Variants in ARHGAP25 observed in about 807,000 individuals in gnomAD.
ARHGAP25 encodes the protein rho GTPase-activating protein 25.
In ARHGAP25, 34 loss-of-function variants were observed where a neutral mutation model predicts 71.0. The ratio of observed to expected loss-of-function variants is 0.48; its 90% CI spans 0.36 to 0.64. The LOEUF is 0.64. Among genes scored for constraint, ARHGAP25 ranks in the 30% least tolerant of loss-of-function variants. ARHGAP25 has a pLI of 0.00. For missense variants in ARHGAP25, 706 were observed against 805.1 expected, an observed-to-expected ratio of 0.88 and a Z score of 1.49; for synonymous variants, 282 against 296.5, an observed-to-expected ratio of 0.95 and a Z score of 0.50.
intron 1 of ARHGAP25, among the ~76,000 whole-genome samples, chr2:68,766,741 ACT>A (rs1677146013): frequency 7.1e-6 from 1 of 141,238 alleles, no homozygotes; most frequent in African/African-American, 2.7e-5. Context: ...TCTTGTTCTC[ACT>A]CTCTGTCATT....
At chr2:68,813,564 T>C in intron 6 of ARHGAP25, 145 bp downstream of exon 6, 1 of 878,084 alleles carries the variant, frequency 1.1e-6, no homozygotes, top group African/African-American at 1.7e-5. Flanking sequence ...AAAAGGTATA[T>C]GAACTCAATC....
rs1323718345 is a variant in ARHGAP25, at chr2:68,769,649, G to A, written c.62-5572G>A. On this transcript the variant is annotated intron_variant, in intron 1 of 10. Transcript: ENST00000409202. ...TACCAAGCAAGGCGACAAAGGCTACGATACACAGGTGTCTCCACTGACAAG... is the reference window on the plus strand; with the variant it reads ...TACCAAGCAAGGCGACAAAGGCTACAATACACAGGTGTCTCCACTGACAAG... Among the ~76,000 whole-genome samples the A allele has an allele frequency of 2.0e-5, 3 of 152,150 alleles. 1 individual carries two copies. Among genetic ancestry groups the A allele is most frequent in the East Asian group, 3.9e-4 (2 of 5,172 alleles).
At chr2:68,798,655 A>T (rs557585172) in intron 4 of ARHGAP25, among the ~76,000 whole-genome samples, 51 of 152,344 alleles carry the variant, frequency 3.3e-4, no homozygotes, top group African/African-American at 1.1e-3. Context: ...ATGACACTAT[A>T]TGAGGAAAAA....
At chr2:68,746,532 G>C (rs1253996843) in intron 1 of ARHGAP25, among the ~76,000 whole-genome samples, 3 of 152,138 alleles carry the variant, frequency 2.0e-5, no homozygotes, top group Non-Finnish European at 2.9e-5. Flanking sequence ...ATGTTTTCTA[G>C]GTCCTCCCAG....
chr2:68,760,863 CAA>C lies in ARHGAP25; in HGVS notation c.62-14341_62-14340del, dbSNP rs749565883. ...TGGAAACTCAAGGGATCCTGAATAG[CAA>C]AAAAAAAAAAAAAAAATTTTTGAAA... On this transcript the variant is annotated intron_variant, in intron 1 of 10. Coordinates refer to ENST00000409202, the MANE Select transcript of ARHGAP25 (RefSeq NM_001007231.3). Among the ~76,000 whole-genome samples, 37 of 54,512 alleles carry C rather than the reference CAA, an allele frequency of 6.8e-4. 1 individual carries two copies. The highest frequency in any genetic ancestry group is 3.5e-3 in the East Asian group (8 of 2,306). The allele number at this position is 54,512 out of a possible 152,430, so 35.8% of individuals were successfully genotyped here.
At chr2:68,724,118 G>T (rs754978593) in intron 2 of ARHGAP25, among the ~76,000 whole-genome samples, 3 of 152,112 alleles carry the variant, frequency 2.0e-5, no homozygotes, top group Non-Finnish European at 2.9e-5. Flanking sequence ...TGGGGCCAGA[G>T]AGCAGAACCA....
chr2:68,724,516 A>G (rs931929728), intron 2 of ARHGAP25, among the ~76,000 whole-genome samples: 1 of 152,126 alleles, frequency 6.6e-6, no homozygotes, highest in African/African-American at 2.4e-5. Context: ...ACCATTACCA[A>G]TTGTATTTGC....
chr2:68,823,987 C>T (rs1015051922), intron 10 of ARHGAP25, among the ~76,000 whole-genome samples: 2 of 152,144 alleles, frequency 1.3e-5, no homozygotes, highest in African/African-American at 2.4e-5. Context: ...AATGTGAATT[C>T]GTGGGCTCTT....
intron 4 of ARHGAP25, among the ~76,000 whole-genome samples, chr2:68,799,577 GGGATTTTTT>G (rs1030725354): frequency 4.5e-4 from 68 of 152,192 alleles, no homozygotes; most frequent in Non-Finnish European, 9.0e-4. Flanking sequence ...GTTCCCGCGT[GGGATTTTTT>G]TTAACCCACC....
chr2:68,781,429 G>T (rs1488376424), intron 2 of ARHGAP25, among the ~76,000 whole-genome samples: 2 of 152,144 alleles, frequency 1.3e-5, no homozygotes, highest in Non-Finnish European at 2.9e-5. Context: ...GAAATGCACT[G>T]TAAGTGATAA....
rs182365036 is a variant in ARHGAP25, at chr2:68,779,583, C to T, written c.262-2650C>T. Among the ~76,000 whole-genome samples the T allele has an allele frequency of 4.2e-3, 644 of 152,282 alleles. 4 individuals carry two copies. The highest frequency in any genetic ancestry group is 7.7e-3 in the Non-Finnish European group (524 of 68,024). ...GGGCTAAAATGTAGTTCTAGATGAA[C>T]TACAAATTGGATTTAAAAGTTATAG... On this transcript the variant is annotated intron_variant, in intron 2 of 10. Transcript: ENST00000409202.
At position 68,764,094 on chromosome 2, in the gene ARHGAP25, A is replaced by G. The variant is rs574944783; in HGVS notation, c.62-11127A>G. Among the ~76,000 whole-genome samples, 7 of 152,246 alleles carry G rather than the reference A, an allele frequency of 4.6e-5. No homozygotes were observed. The South Asian group carries it at 1.4e-3, about 32-fold the overall frequency. ...GTCTCTACAGAATTGCCTTTTCTGG[A>G]TATTTCTTATGCACAGACTCATATA... On this transcript the variant is annotated intron_variant, in intron 1 of 10. Transcript: ENST00000409202.
chr2:68,748,344 T>G (rs1267141397), intron 1 of ARHGAP25, among the ~76,000 whole-genome samples: 1 of 152,230 alleles, frequency 6.6e-6, no homozygotes, highest in Admixed American at 6.5e-5. Context: ...AGCATATAAT[T>G]AGCTGTAATT....
upstream of ARHGAP25, among the ~76,000 whole-genome samples, chr2:68,731,970 G>A (rs993303785): frequency 2.6e-5 from 4 of 152,162 alleles, no homozygotes; most frequent in African/African-American, 7.2e-5. Flanking sequence ...GCTTGTTCAC[G>A]AACGTTCTTC....
chr2:68,795,742 T>C (rs1679494373), intron 4 of ARHGAP25, among the ~76,000 whole-genome samples: 1 of 152,190 alleles, frequency 6.6e-6, no homozygotes, highest in South Asian at 2.1e-4. Flanking sequence ...TATTTTGCAA[T>C]TGTTATATAG....
intron 1 of ARHGAP25, among the ~76,000 whole-genome samples, chr2:68,753,723 C>T (rs1318321077): frequency 6.6e-6 from 1 of 152,168 alleles, no homozygotes; most frequent in Non-Finnish European, 1.5e-5. Flanking sequence ...CTTACCTCAA[C>T]AAGTCGCTGT....
chr2:68,760,031 A>G (rs1228895056), intron 1 of ARHGAP25, among the ~76,000 whole-genome samples: 2 of 152,110 alleles, frequency 1.3e-5, no homozygotes, highest in Non-Finnish European at 2.9e-5. Context: ...GGGTGATTCA[A>G]CGTAGAAGAA....
chr2:68,811,531 C>T (rs1193694915), intron 5 of ARHGAP25, among the ~76,000 whole-genome samples: 1 of 152,136 alleles, frequency 6.6e-6, no homozygotes, highest in African/African-American at 2.4e-5. Context: ...CCAGAATCCC[C>T]ATGTTAAATG....
At chr2:68,753,707 A>G (rs977027075) in intron 1 of ARHGAP25, among the ~76,000 whole-genome samples, 1 of 152,116 alleles carries the variant, frequency 6.6e-6, no homozygotes, top group Non-Finnish European at 1.5e-5. Flanking sequence ...ATGTTTTTTC[A>G]GGTTACTTAC....
Sources: gnomAD v4.1 joint callset for allele counts (sites outside exome capture counted in the v4.1 genomes callset) on GRCh38, gnomAD v4.1.1 for gene constraint, MANE v1.5 for transcripts, NCBI Gene and HGNC (gene_info 2026-07-23, HGNC 2026-07-21) for gene names.